Variants in DLC1 observed in about 807,000 individuals in gnomAD.
DLC1 encodes rho GTPase-activating protein 7.
In DLC1, 54 loss-of-function variants were observed where a neutral mutation model predicts 140.3. The ratio of observed to expected loss-of-function variants is 0.38; its 90% CI spans 0.31 to 0.48. The LOEUF is 0.48. Ranked by LOEUF, DLC1 falls within the 20% of genes least tolerant of loss-of-function variation. The pLI is 0.96. For missense variants in DLC1, 2,536 were observed against 1,907.0 expected (o/e 1.33, Z -6.14); for synonymous variants, 986 against 728.1 (o/e 1.35, Z -5.70).
chr8:13,556,230 A>G (rs1022852168), intron 1 of DLC1, among the ~76,000 whole-genome samples: 1 of 152,176 alleles, frequency 6.6e-6, no homozygotes, highest in Non-Finnish European at 1.5e-5. Flanking sequence ...GATCTGGGAC[A>G]GAGCTATGAT....
intron 2 of DLC1, among the ~76,000 whole-genome samples, chr8:13,464,766 T>TTATATATATATATATATA (rs1299837929): frequency 1.3e-4 from 1 of 7,548 alleles, no homozygotes; most frequent in Non-Finnish European, 2.8e-4. Context: ...ATATATATAT[T>TTATATATATATATATATA]TATATATATA....
intron 4 of DLC1, among the ~76,000 whole-genome samples, chr8:13,320,352 G>C (rs957642860): frequency 6.6e-6 from 1 of 151,992 alleles, no homozygotes; most frequent in Non-Finnish European, 1.5e-5. Context: ...GAGAAGTTCA[G>C]CTCCTCTTTG....
upstream of DLC1, among the ~76,000 whole-genome samples, chr8:13,519,115 A>T (rs1422257662): frequency 1.3e-5 from 2 of 149,578 alleles, no homozygotes; most frequent in African/African-American, 2.4e-5. Context: ...TACATTAGGT[A>T]TATCTCCTAA....
intron 5 of DLC1, among the ~76,000 whole-genome samples, chr8:13,127,633 C>T (rs909631597): frequency 2.0e-5 from 3 of 152,234 alleles, no homozygotes; most frequent in Non-Finnish European, 1.5e-5. Context: ...TGGGGCAGCA[C>T]CGTGCATGGG....
At chr8:13,183,985 A>G (rs140847499) in intron 5 of DLC1, among the ~76,000 whole-genome samples, 7,911 of 152,268 alleles carry the variant, frequency 0.052, 235 homozygotes, top group Non-Finnish European at 0.071. Context: ...TATTGCCTCA[A>G]TTTCAGAGCC....
intron 5 of DLC1, among the ~76,000 whole-genome samples, chr8:13,143,458 G>A (rs1385487863): frequency 6.6e-6 from 1 of 152,096 alleles, no homozygotes; most frequent in Non-Finnish European, 1.5e-5. Context: ...GGTAACTTCA[G>A]TGAGTTTTTC....
chr8:13,254,374 C>G (rs1268995018), intron 5 of DLC1, among the ~76,000 whole-genome samples: 1 of 152,118 alleles, frequency 6.6e-6, no homozygotes, highest in Non-Finnish European at 1.5e-5. Flanking sequence ...GGATGAACTT[C>G]TGGGTTTCTG....
chr8:13,342,795 T>C (rs1834129543), intron 4 of DLC1: 1 of 151,408 alleles, frequency 6.6e-6, no homozygotes, highest in Non-Finnish European at 1.5e-5. Context: ...GTTCTGTTTC[T>C]CTCTCTCTCG....
intron 2 of DLC1, among the ~76,000 whole-genome samples, chr8:13,464,807 G>A (rs1799856978): frequency 7.1e-6 from 1 of 140,014 alleles, no homozygotes; most frequent in African/African-American, 2.6e-5. Flanking sequence ...CTTAAATAAG[G>A]TTTTAGTTAG....
intron 5 of DLC1, among the ~76,000 whole-genome samples, chr8:13,153,441 A>C (rs1585784768): frequency 6.6e-6 from 1 of 152,238 alleles, no homozygotes; most frequent in African/African-American, 2.4e-5. Flanking sequence ...AGCGAGCAGC[A>C]GCAAGATTTA....
intron 4 of DLC1, among the ~76,000 whole-genome samples, chr8:13,305,570 G>A (rs987631571): frequency 1.3e-5 from 2 of 152,134 alleles, no homozygotes; most frequent in Non-Finnish European, 2.9e-5. Context: ...GGGTGTGGTG[G>A]TTCACACCTG....
Position 13,085,788 on chromosome 8 carries a change from A to T in DLC1, c.*23T>A. On this transcript the variant is annotated 3_prime_UTR_variant, in exon 18 of 18. Transcript: ENST00000276297. Reference sequence around the variant, plus strand: ...CTAGAAACAAACACCATGGTGGTGGAAGCGGTTGCGTTGCTTCAGTGATCA... The same window carrying T: ...CTAGAAACAAACACCATGGTGGTGGTAGCGGTTGCGTTGCTTCAGTGATCA... 1 of 1,613,992 alleles carries T rather than the reference A, an allele frequency of 6.2e-7. No individual in the cohort carries two copies. Among genetic ancestry groups the T allele is most frequent in the Non-Finnish European group, 8.5e-7 (1 of 1,179,910 alleles).
chr8:13,310,322 T>G (rs981519540), intron 4 of DLC1, among the ~76,000 whole-genome samples: 16 of 152,142 alleles, frequency 1.1e-4, no homozygotes, highest in Non-Finnish European at 1.2e-4. Flanking sequence ...TTTTAAAAAG[T>G]GGCTTAATTC....
intron 5 of DLC1, among the ~76,000 whole-genome samples, chr8:13,208,558 A>G (rs1827782388): frequency 6.6e-6 from 1 of 152,176 alleles, no homozygotes; most frequent in African/African-American, 2.4e-5. Context: ...GGGTTTTTAG[A>G]TTAAAAGTTC....
intron 5 of DLC1, among the ~76,000 whole-genome samples, chr8:13,130,147 A>C (rs1174616412): frequency 6.6e-6 from 1 of 151,992 alleles, no homozygotes; most frequent in Non-Finnish European, 1.5e-5. Context: ...TAAAAATACC[A>C]CTCTGATTTA....
intron 2 of DLC1, among the ~76,000 whole-genome samples, chr8:13,485,856 T>C (rs772383228): frequency 6.6e-6 from 1 of 152,212 alleles, no homozygotes; most frequent in African/African-American, 2.4e-5. Flanking sequence ...ATGCTTTTTG[T>C]TTCTAGTCTA....
At chr8:13,586,589 GCACACACACACACACA>G (rs3066494) in intron 1 of DLC1, among the ~76,000 whole-genome samples, 3 of 142,950 alleles carry the variant, frequency 2.1e-5, no homozygotes, top group Non-Finnish European at 4.6e-5. Context: ...AGATGCACAT[GCACACACACACACACA>G]CACACACACA....
rs571650425 is a variant in DLC1 at position 13,222,770 on chromosome 8, G to A, written c.1348+82499C>T. ...GGTGTGTCTGTGGTGGGGGGACAGG[G>A]TCTTGCTCTGTCACCCAGGGTGGAG... On this transcript the variant is annotated intron_variant, in intron 5 of 17. Transcript: ENST00000276297. Among the ~76,000 whole-genome samples, 10 of 152,206 alleles carry A rather than the reference G, an allele frequency of 6.6e-5. No homozygotes were observed. In the East Asian group the frequency reaches 1.9e-3, roughly 29 times the overall value.
chr8:13,157,562 G>A (rs1824345850), intron 5 of DLC1, among the ~76,000 whole-genome samples: 1 of 152,132 alleles, frequency 6.6e-6, no homozygotes, highest in Admixed American at 6.5e-5. Flanking sequence ...CAAATCATAG[G>A]CTAACTGAAC....
Sources: allele counts gnomAD v4.1 joint callset (sites outside exome capture counted in the v4.1 genomes callset), GRCh38; gene constraint gnomAD v4.1.1; transcripts MANE v1.5; gene names NCBI Gene and HGNC (gene_info 2026-07-23, HGNC 2026-07-21).